KHDRBS3: variants seen among roughly 807,000 people sequenced by gnomAD.
The protein encoded by KHDRBS3 is KH domain-containing, RNA-binding, signal transduction-associated protein 3.
A neutral mutation model predicts 45.6 loss-of-function variants in KHDRBS3; 23 were observed. That is an observed-to-expected ratio of 0.50 (90% CI 0.36 to 0.72). KHDRBS3 has a LOEUF of 0.72. KHDRBS3 is among the 30% of genes least tolerant of loss of function. KHDRBS3 has a pLI of 0.00. For synonymous variants in KHDRBS3, 162 were observed against 156.5 expected (o/e 1.04, Z -0.26); for missense variants, 352 against 424.8 (o/e 0.83, Z 1.51).
At chr8:135,630,519 C>G (rs558874833) in intron 7 of KHDRBS3, among the ~76,000 whole-genome samples, 62 of 44,614 alleles carry the variant, frequency 1.4e-3, no homozygotes, top group Admixed American at 3.6e-3. Context: ...AGATGTGTTG[C>G]TTAACAATTG....
intron 1 of KHDRBS3, among the ~76,000 whole-genome samples, chr8:135,469,522 G>GTTTT (rs1491553952): frequency 0.022 from 451 of 20,706 alleles, 8 homozygotes; most frequent in Middle Eastern, 0.045. Flanking sequence ...TTTTTGTTTT[G>GTTTT]GTTTTTTTTT....
At chr8:135,480,694 T>A (rs1477922912) in intron 1 of KHDRBS3, among the ~76,000 whole-genome samples, 2 of 152,162 alleles carry the variant, frequency 1.3e-5, no homozygotes, top group African/African-American at 4.8e-5. Flanking sequence ...AAGCAATCAA[T>A]TTGAGATAAC....
At chr8:135,635,061 G>A (rs1208688767) in intron 7 of KHDRBS3, among the ~76,000 whole-genome samples, 4 of 152,100 alleles carry the variant, frequency 2.6e-5, no homozygotes, top group South Asian at 2.1e-4. Context: ...ATGCTTTAAT[G>A]TATGTGGTTT....
chr8:135,531,978 C>G (rs528184162), intron 2 of KHDRBS3, among the ~76,000 whole-genome samples: 1 of 152,042 alleles, frequency 6.6e-6, no homozygotes, highest in Non-Finnish European at 1.5e-5. Flanking sequence ...TTAAAATGCC[C>G]ACGTACAAAG....
chr8:135,516,324 C>T lies in KHDRBS3; in HGVS notation c.89-4913C>T, dbSNP rs562856872. 3.3e-5 allele frequency among the ~76,000 whole-genome samples: 5 copies of T among 152,300 alleles called. No homozygotes were observed. The South Asian group carries it at 8.3e-4, about 25-fold the overall frequency. ...TATGAAGGACTGGGTCATTACTGCA[C>T]ACTTTTATACATCTGGCAGCATGGA... On this transcript the variant is annotated intron_variant, in intron 1 of 8. Coordinates refer to ENST00000355849, the MANE Select transcript of KHDRBS3 (RefSeq NM_006558.3).
At chr8:135,588,794 C>A (rs1277851608) in intron 6 of KHDRBS3, among the ~76,000 whole-genome samples, 2 of 152,168 alleles carry the variant, frequency 1.3e-5, no homozygotes. Flanking sequence ...AGTATCAAAA[C>A]TACCAAATCT....
At chr8:135,573,104 G>C (rs1189959470) in intron 5 of KHDRBS3, among the ~76,000 whole-genome samples, 1 of 152,100 alleles carries the variant, frequency 6.6e-6, no homozygotes, top group Non-Finnish European at 1.5e-5. Flanking sequence ...CCTGTCACTA[G>C]ATCTTGCAGG....
chr8:135,647,641 G>GTT (rs540969330), downstream of KHDRBS3: 1 of 151,588 alleles, frequency 6.6e-6, no homozygotes, highest in South Asian at 2.1e-4. Flanking sequence ...AATTTCATGG[G>GTT]TTTTTTTTTA....
chr8:135,648,359 T>C (rs1455507848), downstream of KHDRBS3, among the ~76,000 whole-genome samples: 1 of 152,226 alleles, frequency 6.6e-6, no homozygotes, highest in African/African-American at 2.4e-5. Context: ...TAACTAGTTA[T>C]TTGTAATACA....
chr8:135,581,817 GT>G, intron 5 of KHDRBS3, 60 bp from the exon 6 acceptor site: 2 of 1,233,164 alleles, frequency 1.6e-6, no homozygotes, highest in South Asian at 4.5e-5. Context: ...ATAAATATAT[GT>G]GAATAACAGA....
At chr8:135,567,144 G>A (rs960244652) in intron 5 of KHDRBS3, among the ~76,000 whole-genome samples, 1 of 152,110 alleles carries the variant, frequency 6.6e-6, no homozygotes, top group Non-Finnish European at 1.5e-5. Context: ...ATGAGGAACT[G>A]CGTTAACTGC....
At chr8:135,481,562 A>G (rs1045058053) in intron 1 of KHDRBS3, among the ~76,000 whole-genome samples, 4 of 152,142 alleles carry the variant, frequency 2.6e-5, no homozygotes, top group African/African-American at 7.2e-5. Flanking sequence ...TCTTCCATAA[A>G]CGTTTATTCA....
At chr8:135,642,089 G>A (rs1011384744) in intron 7 of KHDRBS3, among the ~76,000 whole-genome samples, 1 of 152,200 alleles carries the variant, frequency 6.6e-6, no homozygotes, top group Non-Finnish European at 1.5e-5. Context: ...TTTCATGTGG[G>A]CCCGACTTCT....
intron 7 of KHDRBS3, among the ~76,000 whole-genome samples, chr8:135,620,749 G>A (rs775171625): frequency 1.3e-5 from 2 of 152,060 alleles, no homozygotes; most frequent in Admixed American, 6.6e-5. Flanking sequence ...AACAACCCTC[G>A]GTGATTCTCC....
chr8:135,646,102 G>A (rs540353694), intron 8 of KHDRBS3, among the ~76,000 whole-genome samples: 122 of 150,272 alleles, frequency 8.1e-4, no homozygotes, highest in Non-Finnish European at 1.6e-3. Flanking sequence ...GTTAGCTTGA[G>A]GGAGTGACGT....
intron 1 of KHDRBS3, among the ~76,000 whole-genome samples, chr8:135,504,902 G>T (rs1447488538): frequency 6.6e-6 from 1 of 152,104 alleles, no homozygotes; most frequent in African/African-American, 2.4e-5. Flanking sequence ...ATATATAGTA[G>T]GGGAGGAGTG....
intron 2 of KHDRBS3, among the ~76,000 whole-genome samples, chr8:135,530,557 G>A (rs756726036): frequency 2.6e-5 from 4 of 152,182 alleles, no homozygotes; most frequent in Non-Finnish European, 4.4e-5. Context: ...TTCTGGCACT[G>A]GGTGCATCAC....
intron 7 of KHDRBS3, among the ~76,000 whole-genome samples, chr8:135,616,128 C>T (rs976610148): frequency 6.6e-6 from 1 of 152,170 alleles, no homozygotes; most frequent in Non-Finnish European, 1.5e-5. Flanking sequence ...TATCTAGGTG[C>T]TCTCATACAT....
intron 6 of KHDRBS3, among the ~76,000 whole-genome samples, chr8:135,600,293 G>A (rs905704729): frequency 6.6e-6 from 1 of 152,176 alleles, no homozygotes; most frequent in African/African-American, 2.4e-5. Context: ...GGAATGTTTA[G>A]ATAAGGAAGC....
Sources: gnomAD v4.1 joint callset for allele counts (sites outside exome capture counted in the v4.1 genomes callset) on GRCh38, gnomAD v4.1.1 for gene constraint, MANE v1.5 for transcripts, NCBI Gene and HGNC (gene_info 2026-07-23, HGNC 2026-07-21) for gene names.